The following EHBP1 variants were observed in gnomAD, a reference collection of about 807,000 sequenced individuals.
EHBP1 encodes EH domain-binding protein 1.
EHBP1 carries 55 observed loss-of-function variants against 144.0 expected under a neutral mutation model. The ratio of observed to expected loss-of-function variants is 0.38; its 90% confidence interval spans 0.31 to 0.48. EHBP1 has a LOEUF of 0.48. Among genes scored for constraint, EHBP1 ranks in the 20% least tolerant of loss-of-function variants. The pLI, the probability that EHBP1 is intolerant of heterozygous loss-of-function variation, is 0.98. For synonymous variants in EHBP1, 469 were observed against 472.7 expected, an observed-to-expected ratio of 0.99 and a Z score of 0.10; for missense variants, 1,200 against 1,364.2, an observed-to-expected ratio of 0.88 and a Z score of 1.90.
intron 19 of EHBP1, among the ~76,000 whole-genome samples, chr2:63,005,286 G>A (rs1001241341): frequency 5.3e-5 from 8 of 152,102 alleles, no homozygotes; most frequent in African/African-American, 1.9e-4. Context: ...TATCTTCAGT[G>A]AAGTCTGCAG....
intron 6 of EHBP1, among the ~76,000 whole-genome samples, chr2:62,829,573 G>T (rs1333984924): frequency 5.5e-5 from 1 of 18,204 alleles, no homozygotes; most frequent in African/African-American, 1.4e-3. Context: ...GTTCTATGTT[G>T]TGTGTGTGTG....
chr2:63,022,654 T>G (rs1037748404), intron 19 of EHBP1, among the ~76,000 whole-genome samples: 2 of 152,088 alleles, frequency 1.3e-5, no homozygotes, highest in East Asian at 3.9e-4. Context: ...GATTATTAAG[T>G]CTTTCTTTTA....
At chr2:62,735,523 T>G (rs1037454999) in intron 2 of EHBP1, among the ~76,000 whole-genome samples, 4 of 152,168 alleles carry the variant, frequency 2.6e-5, no homozygotes, top group Admixed American at 6.5e-5. Context: ...AATACATTGT[T>G]GCTATTTATT....
intron 10 of EHBP1, among the ~76,000 whole-genome samples, chr2:62,914,980 C>T (rs2054493007): frequency 6.6e-6 from 1 of 151,944 alleles, no homozygotes; most frequent in Non-Finnish European, 1.5e-5. Context: ...TTAGATATTA[C>T]ATTTATATGT....
chr2:62,933,329 CTA>C (rs1219245093), intron 10 of EHBP1, among the ~76,000 whole-genome samples: 1 of 151,996 alleles, frequency 6.6e-6, no homozygotes, highest in Non-Finnish European at 1.5e-5. Flanking sequence ...TGGTTGTACT[CTA>C]TGAAGAAAAT....
At chr2:62,735,945 A>G (rs369204809) in intron 2 of EHBP1, among the ~76,000 whole-genome samples, 14 of 151,154 alleles carry the variant, frequency 9.3e-5, no homozygotes, top group African/African-American at 2.9e-4. Context: ...GGATTTTTTT[A>G]TCTTTGATTT....
At position 62,889,042 on chromosome 2, in the gene EHBP1, T is replaced by A. The variant is rs1558861967; in HGVS notation, c.1185+14510T>A. Among the ~76,000 whole-genome samples the A allele has an allele frequency of 3.0e-5, 4 of 133,886 alleles. No homozygotes were observed. The Admixed American group carries it at 3.3e-4, about 11-fold the overall frequency. The allele number at this position is 133,886 out of a possible 152,430, so 87.8% of individuals were successfully genotyped here. On this transcript the variant is annotated intron_variant, in intron 10 of 22. Transcript: ENST00000431489. ...TGTCTTCATAAATTTTGGCAGTAGG[T>A]ACCTCTTTTTTTTTTTTTTTTTTTT...
At chr2:62,919,804 A>G (rs1401278815) in intron 10 of EHBP1, among the ~76,000 whole-genome samples, 1 of 152,180 alleles carries the variant, frequency 6.6e-6, no homozygotes, top group African/African-American at 2.4e-5. Flanking sequence ...CCAAATGGAA[A>G]TATTAATAAA....
intron 5 of EHBP1, among the ~76,000 whole-genome samples, chr2:62,812,680 A>G (rs1240940099): frequency 1.3e-5 from 2 of 152,164 alleles, no homozygotes; most frequent in Non-Finnish European, 1.5e-5. Flanking sequence ...TCTATGTCCA[A>G]GGGCTTTATG....
At chr2:62,812,474 C>T (rs137859277) in intron 5 of EHBP1, among the ~76,000 whole-genome samples, 3 of 152,044 alleles carry the variant, frequency 2.0e-5, no homozygotes, top group East Asian at 3.9e-4. Flanking sequence ...GGTGAGGGCT[C>T]GGGAGAATAC....
At chr2:62,794,168 A>G (rs1230147767) in intron 5 of EHBP1, among the ~76,000 whole-genome samples, 1 of 152,008 alleles carries the variant, frequency 6.6e-6, no homozygotes, top group Non-Finnish European at 1.5e-5. Flanking sequence ...ATTTTCCCCT[A>G]TAAATCTTTA....
intron 7 of EHBP1, among the ~76,000 whole-genome samples, chr2:62,841,793 A>C (rs943505206): frequency 6.6e-6 from 1 of 150,616 alleles, no homozygotes; most frequent in African/African-American, 2.4e-5. Context: ...TTATTTGGCT[A>C]TCTGGAGTAT....
intron 13 of EHBP1, among the ~76,000 whole-genome samples, chr2:62,949,993 A>T (rs1379508194): frequency 6.6e-6 from 1 of 152,184 alleles, no homozygotes; most frequent in Admixed American, 6.5e-5. Context: ...GGCATAGATT[A>T]TTTGATCAGA....
chr2:62,917,153 A>G (rs199956572), intron 10 of EHBP1, among the ~76,000 whole-genome samples: 1 of 152,302 alleles, frequency 6.6e-6, no homozygotes, highest in East Asian at 1.9e-4. Context: ...ACAGCATGTT[A>G]CTGTACTGAA....
At chr2:62,734,790 C>T (rs933534634) in intron 2 of EHBP1, among the ~76,000 whole-genome samples, 4 of 152,138 alleles carry the variant, frequency 2.6e-5, no homozygotes, top group African/African-American at 7.2e-5. Context: ...GACAGGGTCT[C>T]GTTATGTTGC....
At chr2:62,816,619 A>G (rs991359659) in intron 5 of EHBP1, among the ~76,000 whole-genome samples, 1 of 152,188 alleles carries the variant, frequency 6.6e-6, no homozygotes, top group African/African-American at 2.4e-5. Context: ...AATGTCAGAA[A>G]GAGGAAGAGG....
At chr2:62,778,641 C>A (rs929026152) in intron 5 of EHBP1, among the ~76,000 whole-genome samples, 1 of 151,654 alleles carries the variant, frequency 6.6e-6, no homozygotes. Context: ...CCCAACCAAA[C>A]TCACCTGACA....
At position 62,943,838 on chromosome 2, in the gene EHBP1, G is replaced by A. The variant is rs777805096; in HGVS notation, c.1401G>A (p.Glu467=). Residue 467 remains glutamate, a synonymous_variant, in exon 12 of 23, where the codon GAG becomes GAA. Coordinates refer to ENST00000431489, the MANE Select transcript of EHBP1 (RefSeq NM_001142616.3). ...CTCTGAATCCTCAAGATATTAAAGAGAACAACAAAAAGGTAAGAATTGATG... is the reference window on the plus strand; with the variant it reads ...CTCTGAATCCTCAAGATATTAAAGAAAACAACAAAAAGGTAAGAATTGATG... ...YKSLNPQDIK[E]NNKKAYDGFA... 2 of 1,604,558 alleles carry A rather than the reference G, an allele frequency of 1.2e-6. No homozygotes were observed. Among genetic ancestry groups the A allele is most frequent in the Admixed American group, 1.7e-5 (1 of 59,126 alleles).
chr2:62,956,287 C>G (rs1443965940), intron 14 of EHBP1, among the ~76,000 whole-genome samples: 1 of 151,950 alleles, frequency 6.6e-6, no homozygotes, highest in African/African-American at 2.4e-5. Flanking sequence ...TAACAGGAGC[C>G]CTTAAAATTT....
Sources: allele counts gnomAD v4.1 joint callset (sites outside exome capture counted in the v4.1 genomes callset), GRCh38; gene constraint gnomAD v4.1.1; transcripts MANE v1.5; gene names NCBI Gene and HGNC (gene_info 2026-07-23, HGNC 2026-07-21).